The following MEGF6 variants were observed in gnomAD, a reference collection of about 807,000 sequenced individuals.
MEGF6 encodes the protein multiple epidermal growth factor-like domains protein 6.
Under a neutral mutation model 207.1 loss-of-function variants are expected in MEGF6, and 184 were observed. The ratio of observed to expected loss-of-function variants is 0.89; its 90% CI spans 0.79 to 1.00. The LOEUF is 1.00. Ranked by LOEUF, MEGF6 falls within the 50% of genes least tolerant of loss-of-function variation. MEGF6 has a pLI of 0.00. For synonymous variants in MEGF6, 1,038 were observed against 910.0 expected (o/e 1.14, Z -2.53); for missense variants, 2,282 against 2,202.9 (o/e 1.04, Z -0.72).
intron 4 of MEGF6, among the ~76,000 whole-genome samples, chr1:3,528,752 C>T (rs546885473): frequency 6.6e-6 from 1 of 152,158 alleles, no homozygotes; most frequent in East Asian, 1.9e-4. Context: ...GGAATGCAGG[C>T]GGCCTCTATA....
In MEGF6 at chr1:3,491,496, C is replaced by G. The variant is rs566785891; in HGVS notation, c.4517-537G>C. ...CCGCCCCGCTCCACCGAGATGGGGGCTCCCCTGTCTTAAGGCTCTGAACAA... is the reference window on the plus strand; with the variant it reads ...CCGCCCCGCTCCACCGAGATGGGGGGTCCCCTGTCTTAAGGCTCTGAACAA... On this transcript the variant is annotated intron_variant, in intron 35 of 36. Transcript: ENST00000356575. Among the ~76,000 whole-genome samples the G allele has an allele frequency of 1.3e-4, 20 of 152,232 alleles. 1 individual carries two copies. In the South Asian group the frequency reaches 2.9e-3, roughly 22 times the overall value.
chr1:3,591,302 G>A (rs1643973554), intron 3 of MEGF6, among the ~76,000 whole-genome samples: 1 of 152,168 alleles, frequency 6.6e-6, no homozygotes, highest in Non-Finnish European at 1.5e-5. Context: ...ACCGAGCAGG[G>A]GGTAAGGCCC....
upstream of MEGF6, among the ~76,000 whole-genome samples, chr1:3,616,250 G>A (rs762989484): frequency 1.1e-4 from 17 of 152,190 alleles, no homozygotes; most frequent in Middle Eastern, 6.8e-3. Flanking sequence ...AAAGCTCCCC[G>A]AACGAACATT....
chr1:3,603,054 C>T (rs1207894612), intron 1 of MEGF6, among the ~76,000 whole-genome samples: 1 of 152,196 alleles, frequency 6.6e-6, no homozygotes, highest in Non-Finnish European at 1.5e-5. Context: ...GGGGTGAACC[C>T]GGGCCCATCC....
chr1:3,569,702 A>G (rs1398950963), intron 4 of MEGF6, among the ~76,000 whole-genome samples: 1 of 152,236 alleles, frequency 6.6e-6, no homozygotes, highest in Non-Finnish European at 1.5e-5. Context: ...CACCGGGCTC[A>G]GTGGCTGCCT....
chr1:3,531,984 T>C (rs950107384), intron 4 of MEGF6, among the ~76,000 whole-genome samples: 5 of 152,202 alleles, frequency 3.3e-5, no homozygotes, highest in African/African-American at 1.2e-4. Context: ...TGCACTGTCC[T>C]GTCCTCCCCT....
chr1:3,619,905 A>G, the MEGF6 span, among the ~76,000 whole-genome samples: 1 of 152,226 alleles, frequency 6.6e-6, no homozygotes, highest in Non-Finnish European at 1.5e-5. Context: ...GCTGTGGGAA[A>G]GTTTGGAACT....
In MEGF6 at chr1:3,498,806, C is replaced by T. The variant is rs777423137; in HGVS notation, c.3115G>A (p.Gly1039Ser). 1.0e-4 allele frequency: 163 copies of T among 1,554,472 alleles called. No individual in the cohort carries two copies. Among genetic ancestry groups the T allele is most frequent in the Non-Finnish European group, 1.3e-4 (153 of 1,149,372 alleles). ...AGGCAGGAATGCCGACAGTTGTCGC[C>T]GTACAGGCCGGCAGGGCAGGCTGGG... ...CLQACPAGLY[G>S]DNCRHSCLCQ... The change falls in exon 25 of 37, where the codon GGC becomes AGC. Residue 1039 changes from glycine to serine, a missense_variant. Transcript: ENST00000356575.
At chr1:3,585,931 T>C (rs1643887374) in intron 3 of MEGF6, among the ~76,000 whole-genome samples, 1 of 136,192 alleles carries the variant, frequency 7.3e-6, no homozygotes, top group South Asian at 2.5e-4. Context: ...GTGACACATG[T>C]CCTGTGTGTG....
In MEGF6 at chr1:3,573,645, A is replaced by C. The variant is rs1437893748; in HGVS notation, c.481+6180T>G. 6.6e-6 allele frequency among the ~76,000 whole-genome samples: 1 copy of C among 152,114 alleles called. No homozygotes were observed. The highest frequency in any genetic ancestry group is 6.5e-5 in the Admixed American group (1 of 15,286). ...GTGCACAACATGGAGAGAGGCTGTG[A>C]AAAGAACATCCCTGCCCCAGAGCCC... On this transcript the variant is annotated intron_variant, in intron 4 of 36. Transcript: ENST00000356575. This position sits in a 1 kb window ranked among gnomAD's most constrained non-coding sequence, Gnocchi z 5.1.
chr1:3,582,481 G>A (rs991868560), intron 3 of MEGF6, among the ~76,000 whole-genome samples: 11 of 152,108 alleles, frequency 7.2e-5, no homozygotes, highest in East Asian at 1.9e-4. Context: ...CAAGGCCACC[G>A]TCATCCCCTG....
At chr1:3,551,274 C>T (rs1166207115) in intron 4 of MEGF6, among the ~76,000 whole-genome samples, 2 of 152,224 alleles carry the variant, frequency 1.3e-5, no homozygotes, top group Non-Finnish European at 2.9e-5. Flanking sequence ...TCAGCCTGCT[C>T]CTGCGTGCAG....
At position 3,586,703 on chromosome 1, in the gene MEGF6, G is replaced by C. The variant is rs1410451478; in HGVS notation, c.377-6774C>G. 5.3e-5 allele frequency among the ~76,000 whole-genome samples: 8 copies of C among 152,216 alleles called. No individual in the cohort carries two copies. In the South Asian group the frequency reaches 1.4e-3, roughly 28 times the overall value. On this transcript the variant is annotated intron_variant, in intron 3 of 36. Coordinates refer to ENST00000356575, the MANE Select transcript of MEGF6 (RefSeq NM_001409.4). ...GGAAAAGGAAAAGCAAATGGCGGAG[G>C]CAGGAAAATGGAGGGCGGCCCGGGG...
At chr1:3,570,048 C>T (rs1643451956) in intron 4 of MEGF6, among the ~76,000 whole-genome samples, 1 of 152,228 alleles carries the variant, frequency 6.6e-6, no homozygotes, top group African/African-American at 2.4e-5. Flanking sequence ...ATCCCCTTCC[C>T]AGAGTCAGCC....
rs369441618 is a variant in MEGF6, at chr1:3,509,199, C to T, written c.1404G>A (p.Val468=). The T allele has an allele frequency of 1.9e-6, 3 of 1,565,268 alleles. No individual in the cohort carries two copies. The highest frequency in any genetic ancestry group is 2.6e-6 in the Non-Finnish European group (3 of 1,155,392). The change falls in exon 12 of 37, where the codon GTG becomes GTA. Residue 468 remains valine (V), a synonymous_variant. Transcript: ENST00000356575. ...MVDLDGELPF[V]RPLPHIAVLQ... The stretch of plus-strand genomic sequence containing the variant: ...GCACGGCAATGTGGGGCAGGGGCCG[C>T]ACGAAAGGCAGCTCGCCGTCCAGGT...
At chr1:3,493,493 C>A (rs1282009685) in intron 34 of MEGF6, 4 of 521,474 alleles carry the variant, frequency 7.7e-6, no homozygotes, top group African/African-American at 5.8e-5. Flanking sequence ...AGTCTTTCCA[C>A]CCAACCAGAG....
chr1:3,576,066 T>C (rs1326616818), intron 4 of MEGF6, among the ~76,000 whole-genome samples: 1 of 152,248 alleles, frequency 6.6e-6, no homozygotes, highest in African/African-American at 2.4e-5. Context: ...GGCACAGGCC[T>C]GGGGAACACC....
intron 1 of MEGF6, among the ~76,000 whole-genome samples, chr1:3,605,193 C>T (rs1302974111): frequency 1.3e-5 from 2 of 151,980 alleles, no homozygotes; most frequent in Non-Finnish European, 2.9e-5. Flanking sequence ...GTCACACACA[C>T]CCACACACAC....
intron 8 of MEGF6, 36 bp from the exon 9 acceptor site, chr1:3,511,723 C>A (rs759820984): frequency 6.3e-7 from 1 of 1,582,776 alleles, no homozygotes; most frequent in Admixed American, 1.7e-5. Context: ...TATGGGATGG[C>A]GGCTAGGATG....
Sources: gnomAD v4.1 joint callset for allele counts (sites outside exome capture counted in the v4.1 genomes callset) on GRCh38, gnomAD v4.1.1 for gene constraint, Gnocchi (gnomAD v3.1) non-coding constraint, MANE v1.5 for transcripts, NCBI Gene and HGNC (gene_info 2026-07-23, HGNC 2026-07-21) for gene names.